SRSF11: variants seen among roughly 807,000 people sequenced by gnomAD.
SRSF11 encodes serine and arginine rich splicing factor 11.
A neutral mutation model predicts 56.0 loss-of-function variants in SRSF11; 9 were observed. The observed-to-expected ratio is 0.16, with a 90% CI of 0.10 to 0.28. SRSF11 has a LOEUF of 0.28. SRSF11 is among the 10% of genes least tolerant of loss of function. The pLI is 1.00. For synonymous variants in SRSF11, 222 were observed against 215.3 expected (o/e 1.03, Z -0.27); for missense variants, 421 against 600.7 (o/e 0.70, Z 3.13).
intron 1 of SRSF11, among the ~76,000 whole-genome samples, chr1:70,206,792 T>C (rs1437613956): frequency 1.3e-5 from 2 of 152,156 alleles, no homozygotes; most frequent in East Asian, 1.9e-4. Flanking sequence ...CTACCCTTTT[T>C]GTTCTTATTT....
At chr1:70,247,773 G>A (rs1677086437) in intron 9 of SRSF11, among the ~76,000 whole-genome samples, 1 of 152,096 alleles carries the variant, frequency 6.6e-6, no homozygotes, top group African/African-American at 2.4e-5. Flanking sequence ...TAGAGTGCTA[G>A]TTAGAAAATT....
intron 7 of SRSF11, among the ~76,000 whole-genome samples, chr1:70,240,826 A>G (rs1675212672): frequency 7.4e-6 from 1 of 136,032 alleles, no homozygotes; most frequent in Admixed American, 8.4e-5. Flanking sequence ...CCCAGCCTGG[A>G]GTGCAATGGC....
chr1:70,242,118 A>T (rs1454624284), intron 7 of SRSF11, among the ~76,000 whole-genome samples: 1 of 151,244 alleles, frequency 6.6e-6, no homozygotes, highest in Non-Finnish European at 1.5e-5. Context: ...GCAGTGAGCC[A>T]GGATGGCGCC....
chr1:70,226,273 A>G (rs1405778780), intron 1 of SRSF11, among the ~76,000 whole-genome samples: 2 of 152,124 alleles, frequency 1.3e-5, no homozygotes, highest in African/African-American at 4.8e-5. Context: ...TTTTAAACCC[A>G]TCTAAAGGAG....
At chr1:70,247,836 C>A (rs1485742673) in intron 9 of SRSF11, among the ~76,000 whole-genome samples, 2 of 151,884 alleles carry the variant, frequency 1.3e-5, no homozygotes, top group African/African-American at 4.8e-5. Context: ...GACAGGCAAC[C>A]CAATTTAAAA....
chr1:70,213,857 C>T (rs1669776124), intron 1 of SRSF11, among the ~76,000 whole-genome samples: 1 of 152,092 alleles, frequency 6.6e-6, no homozygotes, highest in South Asian at 2.1e-4. Context: ...CAGGTTGACT[C>T]TAGGGCCTGC....
intron 9 of SRSF11, 56 bp from the exon 10 acceptor site, chr1:70,249,896 G>T (rs746530915): frequency 3.6e-5 from 55 of 1,547,270 alleles, no homozygotes; most frequent in Non-Finnish European, 4.8e-5. Flanking sequence ...TGATGTGTCT[G>T]CATTTTTAAG....
chr1:70,231,725 A>G (rs764392346), intron 2 of SRSF11: 8 of 1,217,548 alleles, frequency 6.6e-6, no homozygotes, highest in Middle Eastern at 3.1e-4. Flanking sequence ...TCCTTTACAT[A>G]CTTTCTTCTC....
Position 70,250,874 on chromosome 1 carries a change from C to A in SRSF11, c.*69C>A. Reference sequence around the variant, plus strand: ...CATTCCTTTGTGTGATTTCTTAATGCTGTATTTGTTCATCTCAAACCTAGA... The same window carrying A: ...CATTCCTTTGTGTGATTTCTTAATGATGTATTTGTTCATCTCAAACCTAGA... On this transcript the variant is annotated 3_prime_UTR_variant, in exon 12 of 12. Transcript: ENST00000370949. 1.4e-6 allele frequency: 2 copies of A among 1,405,142 alleles called. No individual in the cohort carries two copies. Among genetic ancestry groups the A allele is most frequent in the South Asian group, 1.2e-5 (1 of 83,510 alleles). 87.0% of individuals were successfully genotyped at this position (1,405,142 alleles called of 1,614,324 possible). A position where few individuals can be genotyped will look rare whatever the true frequency, so the allele number is the denominator to read the frequency against.
chr1:70,214,208 C>A (rs17131241), intron 1 of SRSF11, among the ~76,000 whole-genome samples: 1 of 151,854 alleles, frequency 6.6e-6, no homozygotes, highest in African/African-American at 2.4e-5. Flanking sequence ...TTTTTAAGAT[C>A]GTGAAGCATT....
intron 2 of SRSF11, chr1:70,231,735 C>G: frequency 8.1e-7 from 1 of 1,229,340 alleles, no homozygotes; most frequent in Non-Finnish European, 1.0e-6. Context: ...ACTTTCTTCT[C>G]TTAATTTTTA....
chr1:70,209,737 CTTCTTTTTTTTTTTTTTTTTTTTTT>C (rs1669371948), intron 1 of SRSF11, among the ~76,000 whole-genome samples: 1 of 60,816 alleles, frequency 1.6e-5, no homozygotes, highest in African/African-American at 6.9e-5. Flanking sequence ...AAGCACCTCG[CTTCTTTTTTTTTTTTTTTTTTTTTT>C]TTTTTTTTTT....
At chr1:70,230,093 A>G (rs1672562182) in intron 2 of SRSF11, 1 of 984,658 alleles carries the variant, frequency 1.0e-6, no homozygotes, top group African/African-American at 1.7e-5. Context: ...GTAAATTTAA[A>G]TTTTTTATTG....
chr1:70,228,657 A>T (rs748004700), intron 2 of SRSF11, 102 bp downstream of exon 2: 3 of 1,400,438 alleles, frequency 2.1e-6, no homozygotes, highest in Non-Finnish European at 2.8e-6. Context: ...TAAGCTATTA[A>T]CATTTTTAAA....
intron 1 of SRSF11, among the ~76,000 whole-genome samples, chr1:70,212,063 C>T (rs1342159902): frequency 1.3e-5 from 2 of 152,168 alleles, no homozygotes; most frequent in South Asian, 2.1e-4. Context: ...TTTCAAGTGA[C>T]TGGGGTGGCA....
At chr1:70,225,628 C>T (rs1241545950) in intron 1 of SRSF11, among the ~76,000 whole-genome samples, 1 of 152,070 alleles carries the variant, frequency 6.6e-6, no homozygotes, top group African/African-American at 2.4e-5. Context: ...CTCTACAGAC[C>T]CTTAGGTGAA....
At chr1:70,236,315 C>T (rs1673999906) in intron 5 of SRSF11, among the ~76,000 whole-genome samples, 1 of 148,752 alleles carries the variant, frequency 6.7e-6, no homozygotes. Context: ...ATTTTTTTTT[C>T]TTTCTTCTTT....
intron 9 of SRSF11, chr1:70,249,177 T>G (rs1394611987): frequency 6.6e-6 from 1 of 151,988 alleles, no homozygotes; most frequent in Non-Finnish European, 1.5e-5. Flanking sequence ...TTTGCTAGAG[T>G]ATAAGGTTTC....
upstream of SRSF11, chr1:70,220,872 A>G (rs1670477224): frequency 6.6e-6 from 1 of 152,236 alleles, no homozygotes; most frequent in Non-Finnish European, 1.5e-5. Flanking sequence ...TCCATTGTGA[A>G]TGAATGTACA....
Sources: gnomAD v4.1 joint callset for allele counts (sites outside exome capture counted in the v4.1 genomes callset) on GRCh38, gnomAD v4.1.1 for gene constraint, MANE v1.5 for transcripts, NCBI Gene and HGNC (gene_info 2026-07-23, HGNC 2026-07-21) for gene names.